SORBS3: variants seen among roughly 807,000 people sequenced by gnomAD.
SORBS3 encodes vinexin.
In SORBS3, 69 loss-of-function variants were observed where a neutral mutation model predicts 98.0. That is an observed-to-expected ratio of 0.70 (90% CI 0.58 to 0.86). The LOEUF (loss-of-function observed/expected upper bound fraction) is 0.86, where lower values mean the gene tolerates loss of function less well. SORBS3 is among the 40% of genes least tolerant of loss of function. The probability of loss-of-function intolerance (pLI) is 0.00; values close to 1 mark genes in which losing one functional copy is unlikely to be tolerated. For missense variants in SORBS3, 954 were observed against 908.5 expected (o/e 1.05, Z -0.64); for synonymous variants, 394 against 355.4 (o/e 1.11, Z -1.22).
rs1840014731 is a variant in SORBS3, at chr8:22,546,245, C to A, written n.144+1116C>A. On this transcript the variant is annotated intron_variant and non_coding_transcript_variant, in intron 1 of 4. Coordinates refer to the SORBS3 transcript ENST00000522037. ...TAAGATTTAAAAAAAGAAGAAAACA[C>A]CCTTAAATGATAACTTTATTGGCTC... Among the ~76,000 whole-genome samples the A allele has an allele frequency of 2.0e-5, 3 of 152,098 alleles. No homozygotes were observed. In the South Asian group the frequency reaches 6.2e-4, roughly 32 times the overall value.
rs907854123 is a variant in SORBS3 at position 22,554,314 on chromosome 8, T to C, written c.-55-138T>C. 8 of 888,232 alleles carry C rather than the reference T, an allele frequency of 9.0e-6. No individual in the cohort carries two copies. The highest frequency in any genetic ancestry group is 1.3e-5 in the Non-Finnish European group (8 of 622,914). The allele number at this position is 888,232 out of a possible 1,614,324, so 55.0% of individuals were successfully genotyped here. A position where few individuals can be genotyped will look rare whatever the true frequency, so the allele number is the denominator to read the frequency against. On this transcript the variant is annotated intron_variant, in intron 1 of 20. Transcript: ENST00000240123. This position sits in a 1 kb window ranked among gnomAD's most constrained non-coding sequence, Gnocchi z 6.5. ...CGGGTGCCTGGCGTGGCCTGTTTCC[T>C]GGGTCCTTGAGCTAGTACCCAGCTG... is the stretch of plus-strand genomic sequence containing the variant.
upstream of SORBS3, among the ~76,000 whole-genome samples, chr8:22,551,020 C>T (rs1350609453): frequency 1.3e-5 from 2 of 152,194 alleles, no homozygotes; most frequent in African/African-American, 4.8e-5. The surrounding 1 kb of genome is among the most constrained non-coding windows in gnomAD (Gnocchi z 5.8). Context: ...CCGGAAGGGC[C>T]GGGGCTCTGG....
At chr8:22,565,946 G>A in intron 12 of SORBS3, 74 bp downstream of exon 12, 3 of 1,002,020 alleles carry the variant, frequency 3.0e-6, no homozygotes, top group Non-Finnish European at 3.8e-6. Flanking sequence ...CGGCCGGGCG[G>A]GGCGGACGGG....
At chr8:22,553,675 G>C (rs1381021838) in intron 1 of SORBS3, among the ~76,000 whole-genome samples, 1 of 152,184 alleles carries the variant, frequency 6.6e-6, no homozygotes, top group African/African-American at 2.4e-5. Flanking sequence ...GGAGAAAGTG[G>C]AGCCAGGGAG....
Position 22,570,880 on chromosome 8 carries a change from C to T in SORBS3, c.1432-30C>T, listed in dbSNP as rs533809103. 3.2e-6 allele frequency: 5 copies of T among 1,560,144 alleles called. No individual in the cohort carries two copies. In the South Asian group the frequency reaches 4.9e-5, roughly 15 times the overall value. ...CCGTGGGTCCATGGCACCAGGAAGG[C>T]CCCACAGACACTGACTTTTCCCCCC... On this transcript the variant is annotated intron_variant, in intron 17 of 20. Transcript: ENST00000240123.
At chr8:22,549,930 A>G, upstream of SORBS3, 1 of 956,836 alleles carries the variant, frequency 1.0e-6, no homozygotes, top group Non-Finnish European at 1.2e-6. Context: ...GAATAAGAGA[A>G]GCTTGCTGCT....
chr8:22,561,213 GC>G, intron 5 of SORBS3, 121 bp from the exon 6 acceptor site: 1 of 902,046 alleles, frequency 1.1e-6, no homozygotes, highest in East Asian at 2.6e-5. Context: ...CATTCTTCAG[GC>G]CCTGACTCAG....
intron 1 of SORBS3, among the ~76,000 whole-genome samples, chr8:22,552,751 G>T (rs1197439691): frequency 6.6e-6 from 1 of 152,232 alleles, no homozygotes; most frequent in African/African-American, 2.4e-5. Context: ...GCTGGGCAGG[G>T]AGGGGTGCTG....
chr8:22,561,047 A>G, intron 5 of SORBS3: 1 of 365,490 alleles, frequency 2.7e-6, no homozygotes, highest in Non-Finnish European at 4.9e-6. Context: ...GCAAGTCCAC[A>G]AAGGTCAGGA....
rs778240076 is a variant in SORBS3 at position 22,566,664 on chromosome 8, C to G, written c.1094C>G (p.Pro365Arg). Residue 365 changes from proline to arginine, a missense_variant, in exon 14 of 21, where the codon CCT (proline) becomes CGT (arginine). Physicochemically the swap from Pro to Arg is moderately radical, Grantham distance 103. Coordinates refer to ENST00000240123, the MANE Select transcript of SORBS3 (RefSeq NM_005775.5). ...DFVYPSSTRD[P>R]SASNGGGSPA... is the part of the protein sequence containing the mutation. ...CTGAGGTTGTGCTTCTCCACAGACCCTAGTGCCTCTAACGGAGGGGGCAGC... is the reference window on the plus strand; with the variant it reads ...CTGAGGTTGTGCTTCTCCACAGACCGTAGTGCCTCTAACGGAGGGGGCAGC... 6.2e-7 allele frequency: 1 copy of G among 1,607,758 alleles called. No homozygotes were observed. The highest frequency in any genetic ancestry group is 8.5e-7 in the Non-Finnish European group (1 of 1,178,100).
intron 10 of SORBS3, 92 bp downstream of exon 10, chr8:22,564,613 A>T: frequency 6.5e-7 from 1 of 1,532,588 alleles, no homozygotes; most frequent in Non-Finnish European, 9.0e-7. Context: ...TAGGCCACGA[A>T]CTAAGAGCTC....
At position 22,564,007 on chromosome 8, in the gene SORBS3, AAG is replaced by A; in HGVS notation, c.608_609del (p.Glu203ValfsTer3). On this transcript the variant is annotated frameshift_variant, in exon 8 of 21. Coordinates refer to ENST00000240123, the MANE Select transcript of SORBS3 (RefSeq NM_005775.5). LOFTEE classifies it high-confidence loss of function. ...TTTAGAAGAAGCTGGGACCACTCTGAAGAGTTACCTAGAAGCACCTTCAACTA... is the reference window on the plus strand; with the variant it reads ...TTTAGAAGAAGCTGGGACCACTCTGAAGTTACCTAGAAGCACCTTCAACTA... 3.7e-6 allele frequency: 6 copies of A among 1,613,938 alleles called. No individual in the cohort carries two copies. Among genetic ancestry groups the A allele is most frequent in the Non-Finnish European group, 5.1e-6 (6 of 1,179,928 alleles).
At chr8:22,565,049 G>C (rs1035394674) in intron 10 of SORBS3, 1 of 1,411,378 alleles carries the variant, frequency 7.1e-7, no homozygotes, top group Non-Finnish European at 9.2e-7. Flanking sequence ...GAAGCGCGTA[G>C]GCACTCCCGG....
intron 15 of SORBS3, 27 bp from the exon 16 acceptor site, chr8:22,567,034 C>CTA (rs1563832601): frequency 1.3e-6 from 2 of 1,592,872 alleles, no homozygotes; most frequent in Non-Finnish European, 1.7e-6. Context: ...CTTCAGCTTA[C>CTA]CCTGCGGTCC....
intron 12 of SORBS3, 144 bp downstream of exon 12, chr8:22,566,016 C>A (rs1349756955): frequency 1.7e-6 from 1 of 595,254 alleles, no homozygotes; most frequent in Non-Finnish European, 2.5e-6. Flanking sequence ...CGGGAGGGAC[C>A]GCAGCGCCAC....
rs1468592056 is a variant in SORBS3, at chr8:22,575,205, T to C, written c.*477T>C. The C allele has an allele frequency of 1.3e-5, 4 of 312,494 alleles. No homozygotes were observed. 19.4% of individuals were successfully genotyped at this position (312,494 alleles called of 1,614,324 possible). ...CTTGCTGGCTGCCCTCTTTGCCTTC[T>C]GGCCTCCAGCTGGGTGTGGGGGGGC... On this transcript the variant is annotated 3_prime_UTR_variant, in exon 21 of 21. Transcript: ENST00000240123.
At position 22,569,209 on chromosome 8, in the gene SORBS3, A is replaced by G. The variant is rs376165884; in HGVS notation, c.1367A>G (p.Tyr456Cys). The change falls in exon 17 of 21, where the codon TAT becomes TGT. Residue 456 changes from tyrosine (Y) to cysteine (C), a missense_variant. Tyr to Cys is a radical substitution (Grantham distance 194, BLOSUM62 -2). Transcript: ENST00000240123. The stretch of plus-strand genomic sequence containing the variant: ...CCCCCGACCTACCAGGTGCTGGAGT[A>G]TGGAGAGGCTGTGGCCCAGTACACC... The part of the protein sequence containing the change: ...IKPPTYQVLE[Y>C]GEAVAQYTFK... 4 of 1,610,672 alleles carry G rather than the reference A, an allele frequency of 2.5e-6. No homozygotes were observed. Among genetic ancestry groups the G allele is most frequent in the Middle Eastern group, 1.6e-4 (1 of 6,076 alleles).
rs1020934757 is a variant in SORBS3, at chr8:22,564,513, C to T, written c.808C>T (p.Pro270Ser). 1.2e-5 allele frequency: 19 copies of T among 1,613,910 alleles called. No homozygotes were observed. Among genetic ancestry groups the T allele is most frequent in the Non-Finnish European group, 1.6e-5 (19 of 1,180,012 alleles). ...CGACCCTGGTGAGAAGCCCTCCCAG[C>T]CCATTGAGGTGAGTGCTGCAGGGTG... Reference protein sequence around the residue: ...VDDPGEKPSQPIEVLLERELA... With the variant: ...VDDPGEKPSQSIEVLLERELA... Residue 270 changes from proline to serine, a missense_variant, in exon 10 of 21, where the codon CCC becomes TCC. Pro to Ser is a moderately conservative substitution (Grantham distance 74). Coordinates refer to ENST00000240123, the MANE Select transcript of SORBS3 (RefSeq NM_005775.5).
At chr8:22,555,805 C>T (rs186511906) in intron 3 of SORBS3, among the ~76,000 whole-genome samples, 62 of 152,162 alleles carry the variant, frequency 4.1e-4, no homozygotes, top group African/African-American at 1.4e-3. Flanking sequence ...GAGCTGAGAT[C>T]GTGCCACTGC....
Sources: gnomAD v4.1 joint callset for allele counts (sites outside exome capture counted in the v4.1 genomes callset) on GRCh38, gnomAD v4.1.1 for gene constraint, Gnocchi (gnomAD v3.1) non-coding constraint, MANE v1.5 for transcripts, NCBI Gene and HGNC (gene_info 2026-07-23, HGNC 2026-07-21) for gene names.